The following ERI2 variants were observed in gnomAD, a reference collection of about 807,000 sequenced individuals.
ERI2 encodes ERI1 exoribonuclease 2.
In ERI2, 35 loss-of-function variants were observed where a neutral mutation model predicts 46.8. That is an observed-to-expected ratio of 0.75 (90% CI 0.57 to 0.99). The LOEUF (loss-of-function observed/expected upper bound fraction) is 0.99. Ranked by LOEUF, ERI2 falls within the 50% of genes least tolerant of loss-of-function variation. ERI2 has a pLI of 0.00. For synonymous variants in ERI2, 224 were observed against 271.0 expected (o/e 0.83, Z 1.70); for missense variants, 695 against 796.2 (o/e 0.87, Z 1.53).
downstream of ERI2, among the ~76,000 whole-genome samples, chr16:20,793,890 G>A (rs758762351): frequency 2.0e-5 from 3 of 152,112 alleles, no homozygotes; most frequent in South Asian, 2.1e-4. Flanking sequence ...TGAGCCTTTC[G>A]GAACAGGGTT....
At chr16:20,788,505 T>C (rs528112611) in intron 10 of ERI2, among the ~76,000 whole-genome samples, 6 of 152,348 alleles carry the variant, frequency 3.9e-5, no homozygotes, top group Middle Eastern at 3.4e-3. Context: ...CAGTCATTTT[T>C]AACTCTTTTC....
At chr16:20,794,421 A>G (rs2152490857), downstream of ERI2, among the ~76,000 whole-genome samples, 1 of 152,300 alleles carries the variant, frequency 6.6e-6, no homozygotes, top group South Asian at 2.1e-4. Context: ...ATCCAATGCG[A>G]TAGCCATGCA....
At chr16:20,804,590 C>T (rs2080832255) in intron 1 of ERI2, among the ~76,000 whole-genome samples, 2 of 152,050 alleles carry the variant, frequency 1.3e-5, no homozygotes, top group Middle Eastern at 3.4e-3. Context: ...TGCTTGAGCC[C>T]GGGAGGTGGA....
At chr16:20,792,799 A>G (rs534013947), downstream of ERI2, 153 of 729,772 alleles carry the variant, frequency 2.1e-4, no homozygotes, top group Non-Finnish European at 2.4e-4. Flanking sequence ...TGGTAGGTAA[A>G]TAAGTAGAGA....
chr16:20,799,839 G>A, intron 7 of ERI2, 118 bp downstream of exon 7: 2 of 637,320 alleles, frequency 3.1e-6, no homozygotes, highest in Non-Finnish European at 2.8e-6. Context: ...TTTAGATTAG[G>A]AGTTTTTTTT....
intron 10 of ERI2, chr16:20,783,349 CA>C (rs2080395141): frequency 6.6e-6 from 1 of 152,150 alleles, no homozygotes; most frequent in Non-Finnish European, 1.5e-5. Context: ...ATCCCTTATC[CA>C]AAATGCTTGA....
At chr16:20,787,170 T>C (rs1330199157) in intron 10 of ERI2, among the ~76,000 whole-genome samples, 3 of 152,190 alleles carry the variant, frequency 2.0e-5, no homozygotes, top group Non-Finnish European at 4.4e-5. Context: ...CCTCAACTTA[T>C]GATAGGGTTA....
intron 5 of ERI2, 187 bp from the exon 6 acceptor site, chr16:20,800,589 A>C (rs2152495236): frequency 2.6e-6 from 1 of 389,744 alleles, no homozygotes; most frequent in African/African-American, 2.1e-5. Context: ...GTTGATGACT[A>C]AATTTCAAAA....
At chr16:20,785,612 TAAG>T (rs2080454475) in intron 10 of ERI2, among the ~76,000 whole-genome samples, 2 of 151,466 alleles carry the variant, frequency 1.3e-5, no homozygotes, top group South Asian at 2.1e-4. Context: ...AAAAATGAAA[TAAG>T]AAAAAAGAAC....
At chr16:20,789,456 G>C in intron 10 of ERI2, 1 of 1,557,594 alleles carries the variant, frequency 6.4e-7, no homozygotes, top group African/African-American at 1.4e-5. Context: ...GAGGGTAAGA[G>C]AGCAAGGCTG....
At position 20,796,721 on chromosome 16, in the gene ERI2, A is replaced by G; in HGVS notation, c.*1003T>C. ...ACAGTAAATACTTAATATCAAGACA[A>G]CTTTCCTAACAATACCCTTTTCCCT... On this transcript the variant is annotated 3_prime_UTR_variant, in exon 9 of 9. Coordinates refer to ENST00000357967, the MANE Select transcript of ERI2 (RefSeq NM_001142725.2). The G allele has an allele frequency of 6.7e-7, 1 of 1,489,774 alleles. No homozygotes were observed. The highest frequency in any genetic ancestry group is 2.8e-5 in the Admixed American group (1 of 35,542). 92.3% of individuals were successfully genotyped at this position (1,489,774 alleles called of 1,614,324 possible).
chr16:20,792,472 A>C, downstream of ERI2: 1 of 1,504,386 alleles, frequency 6.6e-7, no homozygotes, highest in East Asian at 2.4e-5. Flanking sequence ...TATGCTAGTC[A>C]GAAAGAACTG....
Position 20,803,488 on chromosome 16 carries a change from A to G in ERI2, c.120T>C (p.Ile40=). The stretch of plus-strand genomic sequence containing the variant: ...CATTCCAGCATGTCGATTCAAAATC[A>G]ATGACAATTAAGTAGTCAAACAACT... ...SKQLFDYLIV[I]DFESTCWNDG... Residue 40 remains isoleucine, a synonymous_variant, in exon 3 of 9, where the codon ATT becomes ATC. Transcript: ENST00000357967. 1 of 1,614,050 alleles carries G rather than the reference A, an allele frequency of 6.2e-7. No individual in the cohort carries two copies. Among genetic ancestry groups the G allele is most frequent in the South Asian group, 1.1e-5 (1 of 91,070 alleles).
At position 20,800,400 on chromosome 16, in the gene ERI2, A is replaced by T; in HGVS notation, c.463T>A (p.Trp155Arg). 6.3e-7 allele frequency: 1 copy of T among 1,587,156 alleles called. No homozygotes were observed. The highest frequency in any genetic ancestry group is 1.1e-5 in the South Asian group (1 of 89,004). Residue 155 changes from tryptophan to arginine, a missense_variant and splice_region_variant, in exon 6 of 9, where the codon TGG becomes AGG. By Grantham distance (101) the Trp-to-Arg change is moderately radical. Coordinates refer to ENST00000357967, the MANE Select transcript of ERI2 (RefSeq NM_001142725.2). ...TACTCCAGGCAAACCCCCAAGTCCC[A>T]GTCTGCATTAGGTACATTAAAATAG... The part of the protein sequence containing the change: ...KLCAFVTWSD[W>R]DLGVCLEYEC...
chr16:20,787,704 A>T (rs1166587366), intron 10 of ERI2, among the ~76,000 whole-genome samples: 1 of 152,216 alleles, frequency 6.6e-6, no homozygotes, highest in Non-Finnish European at 1.5e-5. Flanking sequence ...TTGCTGTGGA[A>T]ACCTGGTCTC....
downstream of ERI2, chr16:20,792,524 AACAG>A (rs575698138): frequency 1.2e-4 from 121 of 985,412 alleles, 1 homozygote; most frequent in South Asian, 4.8e-3. Flanking sequence ...CTCTGATCCT[AACAG>A]ACAAACAAAA....
rs1434403907 is a variant in ERI2 at position 20,798,141 on chromosome 16, A to T, written c.1659T>A (p.His553Gln). 6.4e-7 allele frequency: 1 copy of T among 1,551,564 alleles called. No individual in the cohort carries two copies. The highest frequency in any genetic ancestry group is 2.4e-5 in the East Asian group (1 of 40,918). Reference sequence around the variant, plus strand: ...AATCAGATGATGTAGGCTTTTCTTCATGAATAGTGAAGGGTTGTTTTTTTG... The same window carrying T: ...AATCAGATGATGTAGGCTTTTCTTCTTGAATAGTGAAGGGTTGTTTTTTTG... ...PPAKKQPFTI[H>Q]EEKPTSSDCS... The change falls in exon 9 of 9, where the codon CAT (histidine) becomes CAA (glutamine). Residue 553 changes from histidine to glutamine, a missense_variant. By Grantham distance (24) the His-to-Gln change is conservative. Transcript: ENST00000357967.
At chr16:20,782,930 G>A (rs555545977) in intron 10 of ERI2, among the ~76,000 whole-genome samples, 1 of 152,340 alleles carries the variant, frequency 6.6e-6, no homozygotes, top group Non-Finnish European at 1.5e-5. Flanking sequence ...TGGAGTGGGG[G>A]TGCACTACCT....
intron 10 of ERI2, chr16:20,786,087 T>C (rs2080468721): frequency 6.3e-7 from 1 of 1,592,366 alleles, no homozygotes. Context: ...GGTGCTAATC[T>C]GTGGAAATTT....
Sources: gnomAD v4.1 joint callset for allele counts (sites outside exome capture counted in the v4.1 genomes callset) on GRCh38, gnomAD v4.1.1 for gene constraint, MANE v1.5 for transcripts, NCBI Gene and HGNC (gene_info 2026-07-23, HGNC 2026-07-21) for gene names.